Variants in SYT1 observed in about 807,000 individuals in gnomAD.
SYT1 encodes the protein synaptotagmin-1.
Under a neutral mutation model 44.8 loss-of-function variants are expected in SYT1, and 8 were observed. The ratio of observed to expected loss-of-function variants is 0.18; its 90% confidence interval spans 0.10 to 0.32. The LOEUF (loss-of-function observed/expected upper bound fraction) is 0.32. SYT1 is among the 10% of genes least tolerant of loss of function. The pLI is 1.00. For synonymous variants in SYT1, 154 were observed against 188.8 expected, an observed-to-expected ratio of 0.82 and a Z score of 1.51; for missense variants, 286 against 509.3, an observed-to-expected ratio of 0.56 and a Z score of 4.22.
chr12:79,194,390 G>A (rs1051691265), intron 3 of SYT1, among the ~76,000 whole-genome samples: 5 of 151,964 alleles, frequency 3.3e-5, no homozygotes, highest in Non-Finnish European at 2.9e-5. Flanking sequence ...CACCTGGAGG[G>A]CTTGTTAAAC....
intron 2 of SYT1, among the ~76,000 whole-genome samples, chr12:78,989,544 A>G (rs1869880684): frequency 6.6e-6 from 1 of 152,112 alleles, no homozygotes; most frequent in Non-Finnish European, 1.5e-5. Context: ...CAGAGAAGGC[A>G]GAGTCACTGT....
intron 3 of SYT1, among the ~76,000 whole-genome samples, chr12:79,109,549 A>G (rs1878900965): frequency 6.6e-6 from 1 of 152,186 alleles, no homozygotes; most frequent in Non-Finnish European, 1.5e-5. Flanking sequence ...AAATGGAAAT[A>G]ATAATACTTG....
At chr12:78,873,728 G>T (rs991758730) in intron 1 of SYT1, among the ~76,000 whole-genome samples, 6 of 151,540 alleles carry the variant, frequency 4.0e-5, no homozygotes, top group African/African-American at 1.2e-4. Flanking sequence ...TAACATTAGT[G>T]GAAGTTGTTG....
chr12:79,363,086 C>T (rs992089182), intron 9 of SYT1, among the ~76,000 whole-genome samples: 1 of 152,068 alleles, frequency 6.6e-6, no homozygotes, highest in Non-Finnish European at 1.5e-5. Context: ...CATTTGCATC[C>T]TTCAGTTGGC....
rs190204089 is a variant in SYT1, at chr12:79,219,627, G to A, written c.166+1942G>A. 1.1e-3 allele frequency among the ~76,000 whole-genome samples: 161 copies of A among 152,032 alleles called. 1 individual carries two copies. Among genetic ancestry groups the A allele is most frequent in the Non-Finnish European group, 1.9e-3 (129 of 67,912 alleles). ...GTTCTTTCTCCATTGTGGGTTCTTG[G>A]CTCTTTTGTTGAAAGTGAGTTGGCA... On this transcript the variant is annotated intron_variant, in intron 4 of 10. Coordinates refer to ENST00000261205, the MANE Select transcript of SYT1 (RefSeq NM_005639.3).
At chr12:79,183,201 A>G (rs1872635214) in intron 3 of SYT1, among the ~76,000 whole-genome samples, 1 of 151,944 alleles carries the variant, frequency 6.6e-6, no homozygotes, top group African/African-American at 2.4e-5. Flanking sequence ...ATATTATGGT[A>G]TATGTAGCTT....
chr12:79,293,940 G>A (rs866104917), intron 6 of SYT1, among the ~76,000 whole-genome samples: 8 of 152,188 alleles, frequency 5.3e-5, no homozygotes, highest in Non-Finnish European at 8.8e-5. Context: ...TGAGCATCAG[G>A]ATTTGGTTAG....
intron 2 of SYT1, among the ~76,000 whole-genome samples, chr12:78,994,967 G>A (rs553318034): frequency 9.2e-5 from 14 of 151,932 alleles, no homozygotes; most frequent in African/African-American, 2.7e-4. Flanking sequence ...CTGCACTGAC[G>A]CTCCCCAGTC....
chr12:79,133,284 C>T (rs894199050), intron 3 of SYT1, among the ~76,000 whole-genome samples: 2 of 151,796 alleles, frequency 1.3e-5, no homozygotes, highest in African/African-American at 2.4e-5. Context: ...TTTGGGAGGC[C>T]GAGGTGGGAG....
chr12:79,447,823 C>A lies in SYT1; in HGVS notation c.1063-1095C>A, dbSNP rs184922729. Among the ~76,000 whole-genome samples the A allele has an allele frequency of 6.1e-3, 928 of 152,258 alleles. 41 individuals are homozygous for A. Among genetic ancestry groups the A allele is most frequent in the Non-Finnish European group, 1.4e-3 (93 of 68,016 alleles). ...TTTTCTCTGCTCTGAAGCTGTATATCAATGACATTTCTCATTTCATTAATA... is the reference window on the plus strand; with the variant it reads ...TTTTCTCTGCTCTGAAGCTGTATATAAATGACATTTCTCATTTCATTAATA... On this transcript the variant is annotated intron_variant, in intron 10 of 10. Transcript: ENST00000261205.
intron 3 of SYT1, among the ~76,000 whole-genome samples, chr12:79,048,639 A>G (rs1376152812): frequency 6.6e-6 from 1 of 151,958 alleles, no homozygotes; most frequent in Non-Finnish European, 1.5e-5. Context: ...TACACTTTTA[A>G]AAACTACTCT....
intron 3 of SYT1, among the ~76,000 whole-genome samples, chr12:79,194,183 A>G (rs1873300649): frequency 6.6e-6 from 1 of 152,176 alleles, no homozygotes; most frequent in Non-Finnish European, 1.5e-5. Context: ...CTCTCAGTAA[A>G]TCTAGTATAA....
intron 2 of SYT1, among the ~76,000 whole-genome samples, chr12:79,040,617 C>G (rs1873484866): frequency 6.6e-6 from 1 of 151,732 alleles, no homozygotes; most frequent in South Asian, 2.1e-4. Context: ...TGCAGAAGCT[C>G]TTTAGTTTAA....
chr12:79,178,328 AT>A (rs111229840), intron 3 of SYT1, among the ~76,000 whole-genome samples: 3 of 151,512 alleles, frequency 2.0e-5, no homozygotes, highest in Non-Finnish European at 4.4e-5. Flanking sequence ...TTTTATTTCA[AT>A]TTTTTTGTAG....
chr12:78,960,019 A>G (rs1200476047), intron 1 of SYT1, among the ~76,000 whole-genome samples: 1 of 152,214 alleles, frequency 6.6e-6, no homozygotes, highest in Non-Finnish European at 1.5e-5. Context: ...TTAAAATGTA[A>G]TATAAATTCA....
At chr12:79,440,589 G>A (rs2136195319) in intron 9 of SYT1, among the ~76,000 whole-genome samples, 1 of 152,238 alleles carries the variant, frequency 6.6e-6, no homozygotes, top group East Asian at 1.9e-4. Context: ...AAAAGCAAGA[G>A]CAACATTTGT....
chr12:79,025,994 T>C (rs944099117), intron 2 of SYT1, among the ~76,000 whole-genome samples: 3 of 151,684 alleles, frequency 2.0e-5, no homozygotes, highest in African/African-American at 7.3e-5. Context: ...AAAATAGATA[T>C]TTAAAAAGAT....
intron 4 of SYT1, among the ~76,000 whole-genome samples, chr12:79,218,896 A>G (rs1874980957): frequency 6.6e-6 from 1 of 152,260 alleles, no homozygotes; most frequent in East Asian, 1.9e-4. Context: ...GGATTGCTGG[A>G]TCATATGGTA....
At chr12:78,917,397 A>G (rs1157050161) in intron 1 of SYT1, among the ~76,000 whole-genome samples, 1 of 151,948 alleles carries the variant, frequency 6.6e-6, no homozygotes, top group East Asian at 1.9e-4. Context: ...TGAACATCAC[A>G]GCAAAAGGAA....
Sources: gnomAD v4.1 joint callset for allele counts (sites outside exome capture counted in the v4.1 genomes callset) on GRCh38, gnomAD v4.1.1 for gene constraint, MANE v1.5 for transcripts, NCBI Gene and HGNC (gene_info 2026-07-23, HGNC 2026-07-21) for gene names.